Variants in PTPN9 observed in about 807,000 individuals in gnomAD.
The protein encoded by PTPN9 is tyrosine-protein phosphatase non-receptor type 9.
A neutral mutation model predicts 69.8 loss-of-function variants in PTPN9; 26 were observed. The observed-to-expected ratio is 0.37, with a 90% CI of 0.27 to 0.52. The LOEUF (loss-of-function observed/expected upper bound fraction) is 0.52, where lower values mean the gene tolerates loss of function less well. Ranked by LOEUF, PTPN9 falls within the 20% of genes least tolerant of loss-of-function variation. The probability of loss-of-function intolerance (pLI) is 0.91; values close to 1 mark genes in which losing one functional copy is unlikely to be tolerated. For missense variants in PTPN9, 549 were observed against 740.3 expected (o/e 0.74, Z 3.00); for synonymous variants, 274 against 272.5 (o/e 1.01, Z -0.05).
At chr15:75,556,591 T>C (rs970199805) in intron 1 of PTPN9, among the ~76,000 whole-genome samples, 1 of 152,008 alleles carries the variant, frequency 6.6e-6, no homozygotes, top group Non-Finnish European at 1.5e-5. Flanking sequence ...TTGCCCAGGC[T>C]GGTCTCAAAC....
chr15:75,505,722 A>C lies in PTPN9; in HGVS notation c.921T>G (p.Tyr307Ter), dbSNP rs937767972. 6.2e-7 allele frequency: 1 copy of C among 1,613,980 alleles called. No individual in the cohort carries two copies. Among genetic ancestry groups the C allele is most frequent in the African/African-American group, 1.3e-5 (1 of 74,922 alleles). ...CAGGGTTCTCACGACGAATGTCTTC[A>C]TATTCCTCATAGATTCCTTGCTTTT... ...ARQKQGIYEE[Y>*]EDIRRENPVG... Residue 307 changes from tyrosine to a stop codon, truncating the protein, a stop_gained, in exon 7 of 13, where the codon TAT becomes TAG. Transcript: ENST00000618819. LOFTEE classifies it high-confidence loss of function.
intron 1 of PTPN9, among the ~76,000 whole-genome samples, chr15:75,578,065 C>G (rs1348298625): frequency 6.6e-6 from 1 of 152,132 alleles, no homozygotes; most frequent in Non-Finnish European, 1.5e-5. Flanking sequence ...AAGATGGAGA[C>G]AGTCAGATGA....
intron 5 of PTPN9, among the ~76,000 whole-genome samples, chr15:75,515,223 C>A (rs993830212): frequency 4.0e-5 from 6 of 150,526 alleles, no homozygotes; most frequent in African/African-American, 1.5e-4. Flanking sequence ...GTGAGGAGAT[C>A]GAGACCATCT....
intron 2 of PTPN9, among the ~76,000 whole-genome samples, chr15:75,525,204 T>C (rs555258306): frequency 6.6e-6 from 1 of 151,648 alleles, no homozygotes; most frequent in East Asian, 1.9e-4. Flanking sequence ...CCAGATTCTT[T>C]TTTTTTTTTT....
chr15:75,565,901 C>T (rs1037346630), intron 1 of PTPN9, among the ~76,000 whole-genome samples: 4 of 152,158 alleles, frequency 2.6e-5, no homozygotes, highest in African/African-American at 9.7e-5. Flanking sequence ...CCTCAGTACT[C>T]TGCTATGTAT....
At position 75,500,866 on chromosome 15, in the gene PTPN9, G is replaced by A. The variant is rs959700189; in HGVS notation, c.968+4809C>T. Among the ~76,000 whole-genome samples the A allele has an allele frequency of 9.9e-5, 15 of 151,946 alleles. No homozygotes were observed. The South Asian group carries it at 3.1e-3, about 32-fold the overall frequency. ...CATGCCACTATGCGCCAGTCTGGGG[G>A]ACAGAGCAAGACCCTGTCTCTAAAA... On this transcript the variant is annotated intron_variant, in intron 7 of 12. Coordinates refer to ENST00000618819, the MANE Select transcript of PTPN9 (RefSeq NM_002833.4).
intron 9 of PTPN9, among the ~76,000 whole-genome samples, chr15:75,474,821 CT>C (rs997976030): frequency 1.3e-5 from 2 of 152,098 alleles, no homozygotes; most frequent in African/African-American, 2.4e-5. Flanking sequence ...TTGAATAGGC[CT>C]TTTTCCCTTC....
rs1392233667 is a variant in PTPN9, at chr15:75,472,526, G to A, written c.1208+1163C>T. ...TAAAATCTTCCTGGCCAGGCGCAGT[G>A]GCCCACGCTTGTAATCCCAGCACTT... On this transcript the variant is annotated intron_variant, in intron 10 of 12. Coordinates refer to ENST00000618819, the MANE Select transcript of PTPN9 (RefSeq NM_002833.4). Among the ~76,000 whole-genome samples, 4 of 151,910 alleles carry A rather than the reference G, an allele frequency of 2.6e-5. No homozygotes were observed. The East Asian group carries it at 7.7e-4, about 29-fold the overall frequency.
At chr15:75,577,819 T>C (rs2075180492) in intron 1 of PTPN9, among the ~76,000 whole-genome samples, 1 of 152,166 alleles carries the variant, frequency 6.6e-6, no homozygotes, top group Non-Finnish European at 1.5e-5. Flanking sequence ...TAATCGAGCA[T>C]AGCTATGGCG....
intron 1 of PTPN9, among the ~76,000 whole-genome samples, chr15:75,543,078 CTA>C (rs1361269711): frequency 6.7e-6 from 1 of 148,782 alleles, no homozygotes; most frequent in African/African-American, 2.5e-5. Context: ...CAATTCCCAC[CTA>C]TGAGTGAGAA....
intron 4 of PTPN9, among the ~76,000 whole-genome samples, chr15:75,518,466 TAAA>T (rs111475133): frequency 3.1e-5 from 4 of 128,266 alleles, no homozygotes; most frequent in African/African-American, 5.6e-5. Context: ...TGACTCTATT[TAAA>T]AAAAAAAAAA....
intron 5 of PTPN9, among the ~76,000 whole-genome samples, chr15:75,513,644 G>T (rs1349574620): frequency 6.6e-6 from 1 of 152,092 alleles, no homozygotes. Context: ...ATGAGCACCT[G>T]TAATCCCAGC....
chr15:75,550,889 T>G (rs1462408030), intron 1 of PTPN9, among the ~76,000 whole-genome samples: 1 of 152,102 alleles, frequency 6.6e-6, no homozygotes, highest in Non-Finnish European at 1.5e-5. Context: ...CAAGCGATCT[T>G]CCTTCTTTGG....
rs73436898 is a variant in PTPN9 at position 75,575,536 on chromosome 15, G to A, written c.63+3178C>T. 4.2e-3 allele frequency among the ~76,000 whole-genome samples: 647 copies of A among 152,286 alleles called. 3 individuals are homozygous for A. The highest frequency in any genetic ancestry group is 0.014 in the African/African-American group (599 of 41,576). ...GGTTTGAGCAATAGGGCAGCATTAC[G>A]GAGTGAATGTGTCAGTTCCCATGAG... On this transcript the variant is annotated intron_variant, in intron 1 of 12. Coordinates refer to ENST00000618819, the MANE Select transcript of PTPN9 (RefSeq NM_002833.4).
chr15:75,567,668 T>C (rs183808259), intron 1 of PTPN9, among the ~76,000 whole-genome samples: 358 of 152,282 alleles, frequency 2.4e-3, no homozygotes, highest in African/African-American at 8.2e-3. Flanking sequence ...CAGAGGAAAC[T>C]GGTACATACT....
At chr15:75,524,371 A>G (rs1450357208) in intron 2 of PTPN9, 73 bp from the exon 3 acceptor site, 1 of 831,944 alleles carries the variant, frequency 1.2e-6, no homozygotes. Context: ...TGTAACCACC[A>G]AATCTCAGAG....
At position 75,577,836 on chromosome 15, in the gene PTPN9, G is replaced by A. The variant is rs117096177; in HGVS notation, c.63+878C>T. Among the ~76,000 whole-genome samples, 1,137 of 152,188 alleles carry A rather than the reference G, an allele frequency of 7.5e-3. 6 individuals are homozygous for A. Among genetic ancestry groups the A allele is most frequent in the Non-Finnish European group, 0.012 (834 of 68,012 alleles). On this transcript the variant is annotated intron_variant, in intron 1 of 12. Coordinates refer to ENST00000618819, the MANE Select transcript of PTPN9 (RefSeq NM_002833.4). ...ATCGAGCATAGCTATGGCGGGGTAT[G>A]GGCAGTGCCAAGGAAGAGACAGCGA... is the stretch of plus-strand genomic sequence containing the variant.
chr15:75,475,189 C>G (rs1310021475), intron 9 of PTPN9, among the ~76,000 whole-genome samples: 1 of 152,228 alleles, frequency 6.6e-6, no homozygotes, highest in African/African-American at 2.4e-5. Flanking sequence ...GCCACTGCAC[C>G]TGGCCAAATT....
rs547044254 is a variant in PTPN9, at chr15:75,511,176, T to G, written c.529-2149A>C. Among the ~76,000 whole-genome samples the G allele has an allele frequency of 2.6e-5, 4 of 152,282 alleles. No homozygotes were observed. In the East Asian group the frequency reaches 7.7e-4, roughly 29 times the overall value. On this transcript the variant is annotated intron_variant, in intron 5 of 12. Coordinates refer to ENST00000618819, the MANE Select transcript of PTPN9 (RefSeq NM_002833.4). ...TTGGTTGTTTCCACTTGTCCAGATTTGAGGAGCTATTTTCCACATTGTTTC... is the reference window on the plus strand; with the variant it reads ...TTGGTTGTTTCCACTTGTCCAGATTGGAGGAGCTATTTTCCACATTGTTTC...
Sources: gnomAD v4.1 joint callset for allele counts (sites outside exome capture counted in the v4.1 genomes callset) on GRCh38, gnomAD v4.1.1 for gene constraint, MANE v1.5 for transcripts, NCBI Gene and HGNC (gene_info 2026-07-23, HGNC 2026-07-21) for gene names.